Variants in MYO16 observed in about 807,000 individuals in gnomAD.
The protein encoded by MYO16 is unconventional myosin-XVI.
A neutral mutation model predicts 205.3 loss-of-function variants in MYO16; 94 were observed. The observed-to-expected ratio is 0.46, with a 90% CI of 0.39 to 0.54. The LOEUF is 0.54. Among genes scored for constraint, MYO16 ranks in the 20% least tolerant of loss-of-function variants. The pLI is 0.00. For synonymous variants in MYO16, 988 were observed against 954.0 expected (o/e 1.04, Z -0.66); for missense variants, 2,315 against 2,387.5 (o/e 0.97, Z 0.63).
chr13:108,561,855 G>A, the MYO16 span, among the ~76,000 whole-genome samples: 3 of 152,176 alleles, frequency 2.0e-5, no homozygotes, highest in African/African-American at 7.2e-5. Context: ...AGAAGTAATG[G>A]TCTATTGTAT....
chr13:109,148,489 G>A (rs1424788021), intron 32 of MYO16, among the ~76,000 whole-genome samples: 2 of 152,204 alleles, frequency 1.3e-5, no homozygotes, highest in Non-Finnish European at 2.9e-5. Flanking sequence ...AAACAAATCT[G>A]GCATTGCCTC....
At chr13:109,092,832 G>A (rs979780747) in intron 27 of MYO16, among the ~76,000 whole-genome samples, 1 of 152,132 alleles carries the variant, frequency 6.6e-6, no homozygotes, top group African/African-American at 2.4e-5. Flanking sequence ...CTTTATACTG[G>A]AAGGAACAAT....
chr13:108,713,315 A>G (rs1484751051), intron 3 of MYO16, among the ~76,000 whole-genome samples: 2 of 152,252 alleles, frequency 1.3e-5, no homozygotes, highest in Non-Finnish European at 2.9e-5. Context: ...ATTTAAAGAT[A>G]GAAACTTAAT....
chr13:108,561,056 A>G, the MYO16 span, among the ~76,000 whole-genome samples: 1 of 152,156 alleles, frequency 6.6e-6, no homozygotes, highest in Non-Finnish European at 1.5e-5. Flanking sequence ...TTTCTTACTC[A>G]TGATGCATAT....
chr13:108,871,356 G>GTGTGTGTGTGTGTGTGTC (rs775485613), intron 12 of MYO16, among the ~76,000 whole-genome samples: 1 of 127,660 alleles, frequency 7.8e-6, no homozygotes, highest in Non-Finnish European at 1.7e-5. Context: ...GTGTGTGTGT[G>GTGTGTGTGTGTGTGTGTC]TGTGTGTCTG....
intron 4 of MYO16, among the ~76,000 whole-genome samples, chr13:108,782,238 A>T (rs989225481): frequency 6.6e-6 from 1 of 152,240 alleles, no homozygotes; most frequent in African/African-American, 2.4e-5. Flanking sequence ...AGGTGGCCTC[A>T]GATGGAGTTG....
At chr13:108,671,192 T>C (rs1050123249) in intron 2 of MYO16, among the ~76,000 whole-genome samples, 3 of 152,208 alleles carry the variant, frequency 2.0e-5, no homozygotes, top group Admixed American at 6.5e-5. Flanking sequence ...TAGAAAAGTC[T>C]CACATTTTGC....
At chr13:108,819,457 G>A (rs1875841323) in intron 7 of MYO16, among the ~76,000 whole-genome samples, 1 of 152,058 alleles carries the variant, frequency 6.6e-6, no homozygotes, top group Non-Finnish European at 1.5e-5. Context: ...TAAGCATATA[G>A]AGAAGATATT....
intron 8 of MYO16, among the ~76,000 whole-genome samples, chr13:108,820,708 T>C (rs949721906): frequency 1.3e-5 from 2 of 152,222 alleles, no homozygotes; most frequent in African/African-American, 4.8e-5. Context: ...TCATTCAGTG[T>C]AACGTACTTT....
chr13:108,971,384 A>C (rs927625097), intron 20 of MYO16, among the ~76,000 whole-genome samples: 6 of 144,464 alleles, frequency 4.2e-5, no homozygotes, highest in African/African-American at 1.5e-4. Flanking sequence ...TACACATATA[A>C]TCTACATGTA....
chr13:108,525,639 A>G, the MYO16 span, among the ~76,000 whole-genome samples: 3 of 152,192 alleles, frequency 2.0e-5, no homozygotes, highest in Non-Finnish European at 4.4e-5. Context: ...CACCAACTCC[A>G]TAATCTACTT....
chr13:108,837,078 GT>G (rs907164778), intron 9 of MYO16, among the ~76,000 whole-genome samples: 1 of 152,192 alleles, frequency 6.6e-6, no homozygotes, highest in African/African-American at 2.4e-5. Context: ...TTGAATTGTA[GT>G]TCCCATAATC....
intron 1 of MYO16, among the ~76,000 whole-genome samples, chr13:108,623,667 T>A (rs901954573): frequency 2.0e-5 from 3 of 152,172 alleles, no homozygotes; most frequent in Non-Finnish European, 2.9e-5. Context: ...CCTCAAGACA[T>A]TATATGTCAT....
chr13:109,098,359 G>A (rs1372930949), intron 27 of MYO16, among the ~76,000 whole-genome samples: 5 of 152,090 alleles, frequency 3.3e-5, no homozygotes, highest in South Asian at 4.2e-4. Context: ...TTTGAGAATC[G>A]ACAAACTCTT....
chr13:108,646,048 T>TTTC (rs1385374842), intron 1 of MYO16, among the ~76,000 whole-genome samples: 1 of 152,200 alleles, frequency 6.6e-6, no homozygotes, highest in Non-Finnish European at 1.5e-5. Flanking sequence ...AGGCTGACTG[T>TTTC]AGGTGACCCC....
chr13:109,000,529 T>C (rs1273430680), intron 21 of MYO16, among the ~76,000 whole-genome samples: 1 of 152,222 alleles, frequency 6.6e-6, no homozygotes, highest in Non-Finnish European at 1.5e-5. Flanking sequence ...GTAGAAATTA[T>C]ACATTAATCA....
At chr13:108,659,870 TA>T (rs1390449861) in intron 1 of MYO16, among the ~76,000 whole-genome samples, 1 of 152,016 alleles carries the variant, frequency 6.6e-6, no homozygotes, top group Non-Finnish European at 1.5e-5. Flanking sequence ...AATAAGAAAA[TA>T]TATAGAATTG....
chr13:108,677,783 G>C (rs1377899950), intron 2 of MYO16, among the ~76,000 whole-genome samples: 1 of 152,042 alleles, frequency 6.6e-6, no homozygotes, highest in Non-Finnish European at 1.5e-5. Context: ...ATCAAGTTTT[G>C]ATTAAATTGA....
At chr13:108,657,334 C>T (rs562401657) in intron 1 of MYO16, among the ~76,000 whole-genome samples, 1 of 151,976 alleles carries the variant, frequency 6.6e-6, no homozygotes. Context: ...TAGGAAATGT[C>T]GAAGAGAGAA....
Sources: gnomAD v4.1 joint callset for allele counts (sites outside exome capture counted in the v4.1 genomes callset) on GRCh38, gnomAD v4.1.1 for gene constraint, MANE v1.5 for transcripts, NCBI Gene and HGNC (gene_info 2026-07-23, HGNC 2026-07-21) for gene names.